PTPRD: variants seen among roughly 807,000 people sequenced by gnomAD.
The protein encoded by PTPRD is receptor-type tyrosine-protein phosphatase delta.
A neutral mutation model predicts 214.5 loss-of-function variants in PTPRD; 34 were observed. That is an observed-to-expected ratio of 0.16 (90% confidence interval 0.12 to 0.21). The LOEUF (loss-of-function observed/expected upper bound fraction) is 0.21, where lower values mean the gene tolerates loss of function less well. Ranked by LOEUF, PTPRD falls within the 10% of genes least tolerant of loss-of-function variation. The pLI, the probability that PTPRD is intolerant of heterozygous loss-of-function variation, is 1.00. For missense variants in PTPRD, 2,545 were observed against 2,398.7 expected (o/e 1.06, Z -1.27); for synonymous variants, 1,128 against 845.7 (o/e 1.33, Z -5.79).
chr9:9,382,035 G>A (rs10816104), intron 9 of PTPRD, among the ~76,000 whole-genome samples: 36,347 of 151,874 alleles, frequency 0.24, 4,424 homozygotes, highest in Middle Eastern at 0.37. Flanking sequence ...CCATTTATTT[G>A]TGTCTCTTTA....
intron 3 of PTPRD, among the ~76,000 whole-genome samples, chr9:10,034,871 T>C (rs1311894730): frequency 6.6e-6 from 1 of 152,226 alleles, no homozygotes; most frequent in African/African-American, 2.4e-5. Context: ...CTATTGTGAA[T>C]AGTGCTGCAG....
In PTPRD at chr9:8,518,185, C is replaced by A. The variant is rs778581708; in HGVS notation, c.1206G>T (p.Gly402=). ...GTGTTAGCACAGGTTCGCTGGGAGGCCCCCGCCCAATGTTATTGACAGCAA... is the reference window on the plus strand; with the variant it reads ...GTGTTAGCACAGGTTCGCTGGGAGGACCCCGCCCAATGTTATTGACAGCAA... ...RVVAVNNIGR[G]PPSEPVLTQT... is the part of the protein sequence containing the mutation. The change falls in exon 21 of 46, where the codon GGG becomes GGT. Residue 402 remains glycine, a synonymous_variant. Transcript: ENST00000381196. 2 of 1,614,082 alleles carry A rather than the reference C, an allele frequency of 1.2e-6. No homozygotes were observed. Among genetic ancestry groups the A allele is most frequent in the East Asian group, 2.2e-5 (1 of 44,876 alleles).
At chr9:9,790,373 G>A (rs994472450) in intron 5 of PTPRD, among the ~76,000 whole-genome samples, 1 of 152,128 alleles carries the variant, frequency 6.6e-6, no homozygotes, top group Non-Finnish European at 1.5e-5. Flanking sequence ...CCTGTCCACT[G>A]TGTCACCAGT....
At chr9:10,332,484 A>G (rs1287062531) in intron 3 of PTPRD, among the ~76,000 whole-genome samples, 1 of 151,750 alleles carries the variant, frequency 6.6e-6, no homozygotes, top group Non-Finnish European at 1.5e-5. Flanking sequence ...CAGAGAAAAA[A>G]ACATCTTTGA....
intron 2 of PTPRD, among the ~76,000 whole-genome samples, chr9:10,610,069 T>G (rs1469525113): frequency 6.6e-6 from 1 of 152,122 alleles, no homozygotes; most frequent in Non-Finnish European, 1.5e-5. Flanking sequence ...CAAGAACAAT[T>G]GCATAATAAA....
At chr9:9,783,696 G>A (rs1004954537) in intron 5 of PTPRD, among the ~76,000 whole-genome samples, 6 of 151,844 alleles carry the variant, frequency 4.0e-5, no homozygotes, top group African/African-American at 1.5e-4. Context: ...TCTTTTGCCA[G>A]TTCCTCCCCT....
At chr9:9,936,242 C>A (rs974652147) in intron 5 of PTPRD, among the ~76,000 whole-genome samples, 2 of 148,472 alleles carry the variant, frequency 1.3e-5, no homozygotes, top group African/African-American at 5.1e-5. Context: ...TCTAATTAAA[C>A]TAAAGAGCTT....
At chr9:8,951,918 G>T (rs2099104047) in intron 11 of PTPRD, among the ~76,000 whole-genome samples, 2 of 152,050 alleles carry the variant, frequency 1.3e-5, no homozygotes, top group East Asian at 1.9e-4. Context: ...GAATTCCAAA[G>T]AACTTACTAT....
intron 8 of PTPRD, among the ~76,000 whole-genome samples, chr9:9,432,073 T>C (rs1420526811): frequency 6.8e-6 from 1 of 147,546 alleles, no homozygotes; most frequent in Non-Finnish European, 1.5e-5. Context: ...ATAATAATAA[T>C]AATAATAATA....
At chr9:8,648,222 C>A (rs1010484567) in intron 12 of PTPRD, among the ~76,000 whole-genome samples, 1 of 152,148 alleles carries the variant, frequency 6.6e-6, no homozygotes, top group African/African-American at 2.4e-5. Flanking sequence ...TTTACAGCAA[C>A]GAAAACTGTA....
intron 8 of PTPRD, among the ~76,000 whole-genome samples, chr9:9,462,199 G>T (rs1186685077): frequency 6.6e-6 from 1 of 152,038 alleles, no homozygotes; most frequent in Non-Finnish European, 1.5e-5. Flanking sequence ...GGACTTCAAA[G>T]TATTATATAA....
intron 34 of PTPRD, among the ~76,000 whole-genome samples, chr9:8,449,288 C>A (rs1017297438): frequency 1.4e-5 from 2 of 142,190 alleles, no homozygotes; most frequent in Non-Finnish European, 3.1e-5. Flanking sequence ...TTTCAGAGTA[C>A]CATAAACACA....
chr9:8,741,864 C>G (rs1468040540), intron 11 of PTPRD, among the ~76,000 whole-genome samples: 2 of 151,980 alleles, frequency 1.3e-5, no homozygotes, highest in African/African-American at 4.8e-5. Flanking sequence ...GCTGGGATTA[C>G]AGGCGTGAGC....
At chr9:8,957,975 A>AAG (rs2099140041) in intron 11 of PTPRD, among the ~76,000 whole-genome samples, 1 of 151,132 alleles carries the variant, frequency 6.6e-6, no homozygotes, top group South Asian at 2.1e-4. Context: ...GAAGATCACA[A>AAG]AGAAGTGATG....
At chr9:9,129,955 T>C (rs2099840099) in intron 10 of PTPRD, among the ~76,000 whole-genome samples, 1 of 152,136 alleles carries the variant, frequency 6.6e-6, no homozygotes, top group South Asian at 2.1e-4. Context: ...GTAAAATAGG[T>C]GTAACAACAA....
chr9:8,379,005 C>A (rs1257474921), intron 37 of PTPRD, among the ~76,000 whole-genome samples: 3 of 152,052 alleles, frequency 2.0e-5, no homozygotes, highest in East Asian at 1.9e-4. Flanking sequence ...AAAAAAAATA[C>A]CAGGAAGCAT....
chr9:9,612,803 C>T (rs1011667988), intron 7 of PTPRD, among the ~76,000 whole-genome samples: 2 of 152,038 alleles, frequency 1.3e-5, no homozygotes, highest in African/African-American at 4.8e-5. Context: ...AAACACTTTG[C>T]TGTCAAGGGA....
At chr9:10,276,515 G>A (rs1341924918) in intron 3 of PTPRD, among the ~76,000 whole-genome samples, 1 of 152,124 alleles carries the variant, frequency 6.6e-6, no homozygotes, top group Non-Finnish European at 1.5e-5. Context: ...ATTAATTTGA[G>A]CAACAAGTCT....
intron 24 of PTPRD, among the ~76,000 whole-genome samples, 196 bp downstream of exon 24, chr9:8,500,558 G>GGAAAAAAAAAAAAAAA: frequency 0.011 from 155 of 14,318 alleles, 17 homozygotes; most frequent in Non-Finnish European, 0.014. Context: ...TGAAAAAAAT[G>GGAAAAAAAAAAAAAAA]AAAAAAAAAA....
Sources: allele counts gnomAD v4.1 joint callset (sites outside exome capture counted in the v4.1 genomes callset), GRCh38; gene constraint gnomAD v4.1.1; transcripts MANE v1.5; gene names NCBI Gene and HGNC (gene_info 2026-07-23, HGNC 2026-07-21).